SGPP2: variants seen among roughly 807,000 people sequenced by gnomAD.
SGPP2 encodes the protein sphingosine 1-phosphate phosphohydrolase 2.
SGPP2 carries 30 observed loss-of-function variants against 33.9 expected under a neutral mutation model. The ratio of observed to expected loss-of-function variants is 0.89; its 90% confidence interval spans 0.66 to 1.20. The LOEUF is 1.20. Among genes scored for constraint, SGPP2 ranks in the 50% most tolerant of loss-of-function variants. SGPP2 has a pLI of 0.00. For synonymous variants in SGPP2, 233 were observed against 225.0 expected (o/e 1.04, Z -0.32); for missense variants, 458 against 532.1 (o/e 0.86, Z 1.37).
At chr2:222,447,666 A>G (rs1697418087) in intron 1 of SGPP2, among the ~76,000 whole-genome samples, 1 of 152,214 alleles carries the variant, frequency 6.6e-6, no homozygotes, top group African/African-American at 2.4e-5. Context: ...GAGAAGAACT[A>G]TGCTTTACTG....
At chr2:222,436,479 A>C (rs1171470342) in intron 1 of SGPP2, among the ~76,000 whole-genome samples, 2 of 152,170 alleles carry the variant, frequency 1.3e-5, no homozygotes, top group African/African-American at 2.4e-5. Flanking sequence ...ATTGTCACCT[A>C]GTTGGCATTG....
intron 1 of SGPP2, among the ~76,000 whole-genome samples, chr2:222,463,188 A>G (rs990603185): frequency 3.3e-5 from 5 of 152,182 alleles, no homozygotes; most frequent in African/African-American, 1.2e-4. Flanking sequence ...AGTCTATTCC[A>G]TCCCTGACTG....
chr2:222,477,931 A>G lies in SGPP2; in HGVS notation c.378+3205A>G, dbSNP rs995437303. Among the ~76,000 whole-genome samples the G allele has an allele frequency of 1.3e-5, 2 of 152,150 alleles. No individual in the cohort carries two copies. Among genetic ancestry groups the G allele is most frequent in the African/African-American group, 4.8e-5 (2 of 41,418 alleles). The stretch of plus-strand genomic sequence containing the variant: ...AAATCTTTGCCCAAGAAAGGAAGAA[A>G]TAACCTCTGAATCTGCAGTTTGTCC... On this transcript the variant is annotated intron_variant, in intron 2 of 4. Transcript: ENST00000321276. This position sits in a 1 kb window ranked among gnomAD's most constrained non-coding sequence, Gnocchi z 6.0.
At chr2:222,434,813 T>C (rs1201017182) in intron 1 of SGPP2, among the ~76,000 whole-genome samples, 1 of 151,722 alleles carries the variant, frequency 6.6e-6, no homozygotes, top group African/African-American at 2.4e-5. Context: ...CAGGCCTTAA[T>C]TGGTAGAGAA....
chr2:222,531,736 T>C (rs1698841889), intron 4 of SGPP2, among the ~76,000 whole-genome samples: 1 of 152,080 alleles, frequency 6.6e-6, no homozygotes, highest in Non-Finnish European at 1.5e-5. Flanking sequence ...GTCCTGAGCT[T>C]TGGTATTTTT....
intron 2 of SGPP2, among the ~76,000 whole-genome samples, chr2:222,489,358 A>AT (rs1021046854): frequency 1.3e-5 from 2 of 151,630 alleles, no homozygotes; most frequent in East Asian, 1.9e-4. Context: ...AAAAGTCTCC[A>AT]TTTTTTTCTG....
chr2:222,480,549 C>T (rs563328160), intron 2 of SGPP2, among the ~76,000 whole-genome samples: 7 of 152,302 alleles, frequency 4.6e-5, no homozygotes, highest in South Asian at 2.1e-4. Context: ...TTGTCTTGAC[C>T]GACCAAAATG....
chr2:222,519,139 C>T (rs533365820), intron 2 of SGPP2, among the ~76,000 whole-genome samples: 7 of 152,188 alleles, frequency 4.6e-5, no homozygotes, highest in Non-Finnish European at 8.8e-5. Flanking sequence ...GTAAGGTCAA[C>T]ACAGTCCTGG....
At chr2:222,538,312 A>G (rs925531671) in intron 4 of SGPP2, among the ~76,000 whole-genome samples, 1 of 152,250 alleles carries the variant, frequency 6.6e-6, no homozygotes, top group Non-Finnish European at 1.5e-5. Flanking sequence ...TAAATTTAAA[A>G]ATTAAATTGT....
intron 2 of SGPP2, among the ~76,000 whole-genome samples, chr2:222,485,294 G>A (rs1417946329): frequency 6.6e-6 from 1 of 152,174 alleles, no homozygotes; most frequent in Non-Finnish European, 1.5e-5. Flanking sequence ...ATCTACAGCA[G>A]CCATATGTCA....
intron 4 of SGPP2, among the ~76,000 whole-genome samples, chr2:222,555,185 G>A (rs1689368727): frequency 6.6e-6 from 1 of 152,222 alleles, no homozygotes; most frequent in Admixed American, 6.5e-5. Flanking sequence ...GCATGCATCA[G>A]TAGTGTGTTG....
rs1026417567 is a variant in SGPP2 at position 222,428,767 on chromosome 2, G to GA, written c.219+3954dup. 4.8e-5 allele frequency among the ~76,000 whole-genome samples: 7 copies of GA among 146,762 alleles called. No homozygotes were observed. The East Asian group carries it at 1.2e-3, about 25-fold the overall frequency. ...CATCTGCAGAATGAGCAGAGTGGGG[G>GA]AAAAAAAACATGGTTTTCTTTTTTT... On this transcript the variant is annotated intron_variant, in intron 1 of 4. Transcript: ENST00000321276.
chr2:222,429,755 C>A (rs917476109), intron 1 of SGPP2, among the ~76,000 whole-genome samples: 1 of 152,168 alleles, frequency 6.6e-6, no homozygotes, highest in African/African-American at 2.4e-5. Context: ...AATAAAATGT[C>A]CAGACTTGAA....
At chr2:222,556,265 T>C (rs1471085671) in intron 4 of SGPP2, among the ~76,000 whole-genome samples, 4 of 152,046 alleles carry the variant, frequency 2.6e-5, no homozygotes, top group Admixed American at 2.6e-4. Context: ...ATTAAGGCAA[T>C]ATCAGTGCAT....
intron 4 of SGPP2, among the ~76,000 whole-genome samples, chr2:222,536,382 T>C (rs1360413559): frequency 1.3e-5 from 2 of 152,196 alleles, no homozygotes; most frequent in Non-Finnish European, 2.9e-5. Flanking sequence ...TACATCATTG[T>C]TTTAAAAAAT....
At chr2:222,556,450 G>A (rs1157192466) in intron 4 of SGPP2, among the ~76,000 whole-genome samples, 35 of 110,152 alleles carry the variant, frequency 3.2e-4, no homozygotes, top group Admixed American at 1.5e-3. Flanking sequence ...CCCCGGCTCC[G>A]TCCACTCTCA....
At chr2:222,448,072 G>A (rs908167440) in intron 1 of SGPP2, among the ~76,000 whole-genome samples, 1 of 152,168 alleles carries the variant, frequency 6.6e-6, no homozygotes, top group Non-Finnish European at 1.5e-5. Flanking sequence ...GCAGAACCTT[G>A]CTTATGATCT....
intron 2 of SGPP2, among the ~76,000 whole-genome samples, chr2:222,511,869 G>A (rs1698534629): frequency 6.6e-6 from 1 of 152,076 alleles, no homozygotes. Context: ...TGTAGAGACA[G>A]GGTTTCACCA....
chr2:222,555,846 G>A (rs904899901), intron 4 of SGPP2, among the ~76,000 whole-genome samples: 5 of 152,164 alleles, frequency 3.3e-5, no homozygotes, highest in Non-Finnish European at 5.9e-5. Flanking sequence ...AGAGCACAAT[G>A]TCAAGAGAAA....
Sources: allele counts gnomAD v4.1 joint callset (sites outside exome capture counted in the v4.1 genomes callset), GRCh38; gene constraint gnomAD v4.1.1; non-coding constraint Gnocchi (gnomAD v3.1); transcripts MANE v1.5; gene names NCBI Gene and HGNC (gene_info 2026-07-23, HGNC 2026-07-21).